The following KIF7 variants were observed in gnomAD, a reference collection of about 807,000 sequenced individuals.
The protein encoded by KIF7 is kinesin-like protein KIF7.
In KIF7, 104 loss-of-function variants were observed where a neutral mutation model predicts 135.7. That is an observed-to-expected ratio of 0.77 (90% CI 0.65 to 0.90). The LOEUF is 0.90. Ranked by LOEUF, KIF7 falls within the 40% of genes least tolerant of loss-of-function variation. KIF7 has a pLI of 0.00. For missense variants in KIF7, 2,005 were observed against 1,839.1 expected (o/e 1.09, Z -1.65); for synonymous variants, 883 against 809.4 (o/e 1.09, Z -1.54).
the KIF7 span, among the ~76,000 whole-genome samples, chr15:89,663,039 C>G: frequency 3.5e-4 from 53 of 152,340 alleles, no homozygotes; most frequent in Admixed American, 3.3e-3. Flanking sequence ...GGCCACAGCC[C>G]TCAGGCGGCT....
At chr15:89,649,698 C>T in intron 3 of KIF7, 43 bp downstream of exon 3, 1 of 1,541,050 alleles carries the variant, frequency 6.5e-7, no homozygotes, top group Non-Finnish European at 8.8e-7. Context: ...GTGAAGCCCC[C>T]CTAAGCCCCT....
rs759571064 is a variant in KIF7, at chr15:89,642,183, CCT to C, written c.2394+18_2394+19del. 6.2e-7 allele frequency: 1 copy of C among 1,608,010 alleles called. No individual in the cohort carries two copies. Among genetic ancestry groups the C allele is most frequent in the South Asian group, 1.1e-5 (1 of 90,930 alleles). Reference sequence around the variant, plus strand: ...GGCAGGAGTCACCCCAGCACCCCACCCTGAGGCCCCGAGACTAACCTGCACCT... The same window carrying C: ...GGCAGGAGTCACCCCAGCACCCCACCGAGGCCCCGAGACTAACCTGCACCT... On this transcript the variant is annotated intron_variant, in intron 11 of 18. Coordinates refer to ENST00000394412, the MANE Select transcript of KIF7 (RefSeq NM_198525.3).
Position 89,645,913 on chromosome 15 carries a change from C to T in KIF7, c.1902G>A (p.Arg634=), listed in dbSNP as rs949571387. Residue 634 remains arginine (R), a synonymous_variant, in exon 8 of 19, where the codon AGG becomes AGA. Transcript: ENST00000394412. Reference sequence around the variant, plus strand: ...CTCACCTGCGCAGGTGTAAGGTCCGCCTGGGCGGCTCCTCCTCCTCCTCTT... The same window carrying T: ...CTCACCTGCGCAGGTGTAAGGTCCGTCTGGGCGGCTCCTCCTCCTCCTCTT... ...EEEEEEEEPP[R]RTLHLRRNRI... is the part of the protein sequence containing the mutation. 2.5e-6 allele frequency: 4 copies of T among 1,613,554 alleles called. No individual in the cohort carries two copies. The highest frequency in any genetic ancestry group is 1.3e-5 in the African/African-American group (1 of 74,904).
intron 17 of KIF7, 52 bp from the exon 18 acceptor site, chr15:89,629,174 C>T (rs1350695705): frequency 9.0e-6 from 11 of 1,227,212 alleles, no homozygotes; most frequent in African/African-American, 1.9e-5. Flanking sequence ...GCGGGGCAGG[C>T]GGCCAGGGCT....
intron 1 of KIF7, among the ~76,000 whole-genome samples, chr15:89,619,441 G>T (rs745707093): frequency 6.6e-6 from 1 of 151,944 alleles, no homozygotes; most frequent in Non-Finnish European, 1.5e-5. Flanking sequence ...GGTCAGGCTG[G>T]CTACACCATT....
At chr15:89,643,016 G>A (rs1177306019) in intron 10 of KIF7, among the ~76,000 whole-genome samples, 1 of 152,150 alleles carries the variant, frequency 6.6e-6, no homozygotes, top group Non-Finnish European at 1.5e-5. Context: ...TCATTTCCAG[G>A]AAATCTGGAG....
At chr15:89,623,560 A>G (rs999139832), downstream of KIF7, 4 of 1,495,646 alleles carry the variant, frequency 2.7e-6, no homozygotes, top group Non-Finnish European at 2.7e-6. Context: ...AGAGATTACT[A>G]AAACACTTCA....
rs1215150776 is a variant in KIF7, at chr15:89,645,181, T to A, written c.2039-16A>T. 6.2e-7 allele frequency: 1 copy of A among 1,604,896 alleles called. No individual in the cohort carries two copies. Among genetic ancestry groups the A allele is most frequent in the Admixed American group, 1.7e-5 (1 of 60,010 alleles). On this transcript the variant is annotated splice_polypyrimidine_tract_variant and intron_variant, in intron 9 of 18. Transcript: ENST00000394412. ...CCACCAACTGCTGCAACAGGCAGCC[T>A]GTCAAGGTTGCTGCCCCAACTGACA...
At chr15:89,624,226 G>T, downstream of KIF7, 1 of 1,614,114 alleles carries the variant, frequency 6.2e-7, no homozygotes, top group Non-Finnish European at 8.5e-7. Flanking sequence ...TTCCCCACCT[G>T]TTACGCCAAA....
At chr15:89,641,327 C>T (rs1210994237) in intron 11 of KIF7, among the ~76,000 whole-genome samples, 5 of 152,078 alleles carry the variant, frequency 3.3e-5, no homozygotes, top group African/African-American at 1.2e-4. Context: ...ACCTTGAGCT[C>T]GGACTGACAG....
chr15:89,662,346 A>T, the KIF7 span, among the ~76,000 whole-genome samples: 2 of 152,068 alleles, frequency 1.3e-5, no homozygotes, highest in Admixed American at 1.3e-4. Flanking sequence ...AAAATGTGAG[A>T]ATTAGCTGGG....
At position 89,646,459 on chromosome 15, in the gene KIF7, A is replaced by G. The variant is rs1964014525; in HGVS notation, c.1788+371T>C. ...GTCCAAACAAGGTTCCCCACGTGGA[A>G]AAGTGAACTTGCAAAGAGAGCCATC... On this transcript the variant is annotated intron_variant, in intron 7 of 18. Coordinates refer to ENST00000394412, the MANE Select transcript of KIF7 (RefSeq NM_198525.3). Among the ~76,000 whole-genome samples the G allele has an allele frequency of 2.0e-5, 3 of 152,192 alleles. No homozygotes were observed. The South Asian group carries it at 6.2e-4, about 31-fold the overall frequency.
chr15:89,652,926 C>A lies in KIF7; in HGVS notation c.5G>T (p.Gly2Val), dbSNP rs2142036931. ...CCCTGGCAGCCTCTGAGCCTCCAGC[C>A]CCATGCCGAGGGAGGACTGCTCTGG... Reference protein sequence around the residue: MGLEAQRLPGAE... With the variant: MVLEAQRLPGAE... The change falls in exon 2 of 19, where the codon GGG becomes GTG. Residue 2 changes from glycine (G) to valine (V), a missense_variant. Coordinates refer to ENST00000394412, the MANE Select transcript of KIF7 (RefSeq NM_198525.3). 1.3e-6 allele frequency: 2 copies of A among 1,516,414 alleles called. No individual in the cohort carries two copies. Among genetic ancestry groups the A allele is most frequent in the East Asian group, 2.5e-5 (1 of 40,444 alleles). 93.9% of individuals were successfully genotyped at this position (1,516,414 alleles called of 1,614,324 possible).
In KIF7 at chr15:89,633,812, C is replaced by G. The variant is rs780970705; in HGVS notation, c.2466G>C (p.Gln822His). 3.7e-6 allele frequency: 6 copies of G among 1,612,984 alleles called. No homozygotes were observed. In the East Asian group the frequency reaches 1.3e-4, roughly 36 times the overall value. ...TGAGCTGCACGTTCCGCTCGAGCTCCTGCAGTCGCTTCTCACTCTGGGCCG... is the reference window on the plus strand; with the variant it reads ...TGAGCTGCACGTTCCGCTCGAGCTCGTGCAGTCGCTTCTCACTCTGGGCCG... ...SLSAQSEKRL[Q>H]ELERNVQLMR... Residue 822 changes from glutamine (Q) to histidine (H), a missense_variant, in exon 12 of 19, where the codon CAG (glutamine) becomes CAC (histidine). By Grantham distance (24) the Gln-to-His change is conservative. Coordinates refer to ENST00000394412, the MANE Select transcript of KIF7 (RefSeq NM_198525.3).
At chr15:89,656,839 TA>T (rs1964212333), upstream of KIF7, among the ~76,000 whole-genome samples, 1 of 152,282 alleles carries the variant, frequency 6.6e-6, no homozygotes, top group African/African-American at 2.4e-5. Context: ...CCAAATATTC[TA>T]AATCAATTGG....
chr15:89,631,602 G>C lies in KIF7; in HGVS notation c.3004C>G (p.Gln1002Glu). Residue 1002 changes from glutamine (Q) to glutamate (E), a missense_variant, in exon 15 of 19, where the codon CAG (glutamine) becomes GAG (glutamate). By Grantham distance (29) the Gln-to-Glu change is conservative. Transcript: ENST00000394412. ...AGGCTGTCGATCTCCCCGCGGATCT[G>C]CTGCTGGCTCTGGGCGCTGCCCTGC... ...LRQGSAQSQQQIRGEIDSLRQ... is the reference protein window; with the variant it reads ...LRQGSAQSQQEIRGEIDSLRQ... 1 of 1,562,802 alleles carries C rather than the reference G, an allele frequency of 6.4e-7. No homozygotes were observed. Among genetic ancestry groups the C allele is most frequent in the Non-Finnish European group, 8.7e-7 (1 of 1,152,678 alleles).
intron 1 of KIF7, chr15:89,621,686 G>GAGCC: frequency 2.8e-6 from 2 of 720,496 alleles, no homozygotes; most frequent in Non-Finnish European, 4.4e-6. Flanking sequence ...TGACTGGGTG[G>GAGCC]AGCCACATGA....
downstream of KIF7, chr15:89,627,881 CT>C (rs1218759364): frequency 1.3e-5 from 2 of 152,940 alleles, no homozygotes; most frequent in Non-Finnish European, 2.9e-5. Context: ...TGAACTGTCT[CT>C]CAGTCTCCAG....
intron 11 of KIF7, among the ~76,000 whole-genome samples, chr15:89,639,259 C>T (rs1027448865): frequency 2.0e-5 from 3 of 152,032 alleles, no homozygotes; most frequent in Admixed American, 1.3e-4. Context: ...AAACACCAAA[C>T]GCAATGGCAA....
Sources: gnomAD v4.1 joint callset for allele counts (sites outside exome capture counted in the v4.1 genomes callset) on GRCh38, gnomAD v4.1.1 for gene constraint, MANE v1.5 for transcripts, NCBI Gene and HGNC (gene_info 2026-07-23, HGNC 2026-07-21) for gene names.